The following ACSBG1 variants were observed in gnomAD, a reference collection of about 807,000 sequenced individuals.
The protein encoded by ACSBG1 is acyl-CoA synthetase bubblegum family member 1.
In ACSBG1, 39 loss-of-function variants were observed where a neutral mutation model predicts 80.2. The observed-to-expected ratio is 0.49, with a 90% CI of 0.38 to 0.64. ACSBG1 has a LOEUF of 0.64. ACSBG1 is among the 30% of genes least tolerant of loss of function. The probability of loss-of-function intolerance (pLI) is 0.00; values close to 1 mark genes in which losing one functional copy is unlikely to be tolerated. For synonymous variants in ACSBG1, 392 were observed against 379.5 expected (o/e 1.03, Z -0.38); for missense variants, 828 against 966.4 (o/e 0.86, Z 1.90).
chr15:78,208,351 G>A (rs1207104055), intron 1 of ACSBG1, among the ~76,000 whole-genome samples: 1 of 152,136 alleles, frequency 6.6e-6, no homozygotes, highest in Non-Finnish European at 1.5e-5. Flanking sequence ...CAGGAGAAAG[G>A]GAATTCAAGG....
At chr15:78,204,836 G>A (rs2075199631) in intron 2 of ACSBG1, among the ~76,000 whole-genome samples, 2 of 152,202 alleles carry the variant, frequency 1.3e-5, no homozygotes, top group Non-Finnish European at 2.9e-5. Flanking sequence ...CATAGCTCCA[G>A]CCTGAAACAC....
chr15:78,194,397 G>T, intron 3 of ACSBG1, 109 bp downstream of exon 3: 1 of 1,016,830 alleles, frequency 9.8e-7, no homozygotes, highest in South Asian at 1.5e-5. Context: ...TACAGTTATT[G>T]TTCCTAAGAG....
At chr15:78,215,724 G>GAGAA (rs56078523) in intron 1 of ACSBG1, among the ~76,000 whole-genome samples, 18,123 of 116,192 alleles carry the variant, frequency 0.16, 1,387 homozygotes, top group East Asian at 0.21. Context: ...AAGAAAGAAA[G>GAGAA]AGAAAGAAAG....
chr15:78,201,371 C>T (rs2075165363), intron 2 of ACSBG1, among the ~76,000 whole-genome samples: 1 of 152,232 alleles, frequency 6.6e-6, no homozygotes, highest in Admixed American at 6.5e-5. Context: ...CCCAGGGAGG[C>T]CAATGAGGAC....
chr15:78,232,747 C>A (rs993165340), intron 1 of ACSBG1, among the ~76,000 whole-genome samples: 5 of 151,492 alleles, frequency 3.3e-5, no homozygotes, highest in Non-Finnish European at 2.9e-5. Context: ...TGCAGTGGCA[C>A]GATCTTGACT....
At chr15:78,210,338 C>T (rs143049312) in intron 1 of ACSBG1, among the ~76,000 whole-genome samples, 1 of 152,330 alleles carries the variant, frequency 6.6e-6, no homozygotes, top group East Asian at 1.9e-4. Flanking sequence ...AATGTCAAAA[C>T]CTAATTCTCC....
rs1277148204 is a variant in ACSBG1 at position 78,193,617 on chromosome 15, G to A, written c.552C>T (p.Val184=). The change falls in exon 5 of 14, where the codon GTC becomes GTT. Residue 184 remains valine (V), a synonymous_variant. Coordinates refer to ENST00000258873, the MANE Select transcript of ACSBG1 (RefSeq NM_015162.5). ...GGGAGCTGGTGGTGTAGATGCCAGT[G>A]ACGATGCCACTGTAGGAGACCCAGG... The part of the protein sequence containing the change: ...AVGTVFAGGI[V]TGIYTTSSPE... 1 of 1,613,234 alleles carries A rather than the reference G, an allele frequency of 6.2e-7. No individual in the cohort carries two copies. The highest frequency in any genetic ancestry group is 1.3e-5 in the African/African-American group (1 of 74,982).
rs1555434034 is a variant in ACSBG1 at position 78,215,756 on chromosome 15, A to AAGAAAGAAAG, written c.132-7664_132-7655dup. Reference sequence around the variant, plus strand: ...AAAGAAAGAAAGAAAGAAAGAAAGAAAGAAAGAAAGAAAGAAAGAAAGAAA... The same window carrying AAGAAAGAAAG: ...AAAGAAAGAAAGAAAGAAAGAAAGAAAGAAAGAAAGAGAAAGAAAGAAAGAAAGAAAGAAA... On this transcript the variant is annotated intron_variant, in intron 1 of 13. Transcript: ENST00000258873. Among the ~76,000 whole-genome samples the AAGAAAGAAAG allele has an allele frequency of 1.9e-3, 283 of 150,606 alleles. 3 individuals are homozygous for AAGAAAGAAAG. The highest frequency in any genetic ancestry group is 6.0e-3 in the African/African-American group (246 of 40,978).
chr15:78,179,815 TCACACACACACACACA>T, intron 9 of ACSBG1, 35 bp from the exon 10 acceptor site: 2 of 932,302 alleles, frequency 2.1e-6, no homozygotes, highest in Non-Finnish European at 3.3e-6. Context: ...ACAGAAGAAA[TCACACACACACACACA>T]CACACACACA....
intron 1 of ACSBG1, among the ~76,000 whole-genome samples, chr15:78,215,696 A>G (rs182896599): frequency 1.4e-4 from 20 of 146,786 alleles, no homozygotes; most frequent in African/African-American, 4.8e-4. Flanking sequence ...AGGGAAAAGA[A>G]AAAGAAGGAA....
Position 78,178,026 on chromosome 15 carries a change from C to T in ACSBG1, c.1702+588G>A, listed in dbSNP as rs2141323908. ...TCCTGAATCTTCTGGAAAGACTTGC[C>T]TTGTTTCTCTAGGGGTCTGATTTCC... On this transcript the variant is annotated intron_variant, in intron 11 of 13. Coordinates refer to ENST00000258873, the MANE Select transcript of ACSBG1 (RefSeq NM_015162.5). This position sits in a 1 kb window ranked among gnomAD's most constrained non-coding sequence, Gnocchi z 4.3. Among the ~76,000 whole-genome samples the T allele has an allele frequency of 6.6e-6, 1 of 152,244 alleles. No homozygotes were observed. Among genetic ancestry groups the T allele is most frequent in the Admixed American group, 6.5e-5 (1 of 15,284 alleles).
At chr15:78,207,788 C>T (rs2075229229) in intron 2 of ACSBG1, 5 of 571,428 alleles carry the variant, frequency 8.8e-6, no homozygotes, top group South Asian at 2.3e-5. Context: ...AGAAATCTCC[C>T]CATCCCTCAT....
intron 8 of ACSBG1, among the ~76,000 whole-genome samples, chr15:78,181,355 A>G (rs2074941387): frequency 6.6e-6 from 1 of 152,132 alleles, no homozygotes; most frequent in Non-Finnish European, 1.5e-5. Context: ...TCCAAAGAAC[A>G]GGTATATCCT....
rs755717045 is a variant in ACSBG1, at chr15:78,178,767, C to T, written c.1549G>A (p.Glu517Lys). ...LVNQDAEGIG[E>K]ICLWGRTIFM... ...ATGGTGCGGCCCCACAGGCAGATCT[C>T]GCCAATGCCCTCTGCGTCCTGGTTC... is the stretch of plus-strand genomic sequence containing the variant. Residue 517 changes from glutamate (E) to lysine (K), a missense_variant, in exon 11 of 14, where the codon GAG becomes AAG. Glu to Lys is a moderately conservative substitution (Grantham distance 56). Coordinates refer to ENST00000258873, the MANE Select transcript of ACSBG1 (RefSeq NM_015162.5). The surrounding 1 kb of genome is among the most constrained non-coding windows in gnomAD (Gnocchi z 4.3). The T allele has an allele frequency of 5.0e-6, 8 of 1,614,082 alleles. No homozygotes were observed. The highest frequency in any genetic ancestry group is 6.8e-6 in the Non-Finnish European group (8 of 1,180,044).
chr15:78,223,312 A>T (rs61173757), intron 1 of ACSBG1, among the ~76,000 whole-genome samples: 1 of 152,188 alleles, frequency 6.6e-6, no homozygotes, highest in Non-Finnish European at 1.5e-5. Flanking sequence ...ACCATCAGGA[A>T]AAATAGCTAA....
intron 1 of ACSBG1, among the ~76,000 whole-genome samples, chr15:78,221,544 G>A (rs1405430731): frequency 2.6e-5 from 4 of 152,094 alleles, no homozygotes; most frequent in African/African-American, 9.7e-5. Context: ...CATTCCCAGG[G>A]ACATACGGGA....
chr15:78,220,295 G>C (rs193197091), intron 1 of ACSBG1, among the ~76,000 whole-genome samples: 1 of 152,272 alleles, frequency 6.6e-6, no homozygotes, highest in Admixed American at 6.5e-5. Flanking sequence ...AATAAAGTTA[G>C]ATTCTTTCCT....
chr15:78,207,824 T>C, intron 2 of ACSBG1, 178 bp downstream of exon 2: 1 of 606,530 alleles, frequency 1.6e-6, no homozygotes, highest in South Asian at 2.0e-5. Flanking sequence ...CTGGCCCTGA[T>C]GGCAGCCATG....
chr15:78,203,997 T>C (rs530152638), intron 2 of ACSBG1, among the ~76,000 whole-genome samples: 1 of 152,276 alleles, frequency 6.6e-6, no homozygotes, highest in East Asian at 1.9e-4. Flanking sequence ...AGAGGCCACA[T>C]TGGCCCCAGG....
Sources: gnomAD v4.1 joint callset for allele counts (sites outside exome capture counted in the v4.1 genomes callset) on GRCh38, gnomAD v4.1.1 for gene constraint, Gnocchi (gnomAD v3.1) non-coding constraint, MANE v1.5 for transcripts, NCBI Gene and HGNC (gene_info 2026-07-23, HGNC 2026-07-21) for gene names.